Variants in ARHGAP29 observed in about 807,000 individuals in gnomAD.
The protein encoded by ARHGAP29 is Rho GTPase activating protein 29, also known as rho GTPase-activating protein 29.
ARHGAP29 carries 43 observed loss-of-function variants against 122.6 expected under a neutral mutation model. That is an observed-to-expected ratio of 0.35 (90% CI 0.27 to 0.45). The LOEUF is 0.45. Ranked by LOEUF, ARHGAP29 falls within the 20% of genes least tolerant of loss-of-function variation. ARHGAP29 has a pLI of 1.00. For synonymous variants in ARHGAP29, 506 were observed against 497.1 expected (o/e 1.02, Z -0.24); for missense variants, 1,303 against 1,477.2 (o/e 0.88, Z 1.93).
At chr1:94,240,525 T>C (rs548761695), upstream of ARHGAP29, among the ~76,000 whole-genome samples, 1 of 152,354 alleles carries the variant, frequency 6.6e-6, no homozygotes, top group South Asian at 2.1e-4. Context: ...AAATTCTTGG[T>C]CTATAATAAA....
At position 94,184,253 on chromosome 1, in the gene ARHGAP29, A is replaced by G. The variant is rs1649655120; in HGVS notation, c.2145T>C (p.Thr715=). The part of the protein sequence containing the change: ...IYRVCGNKIK[T]EKLCQALENG... ...TTTCCAAAGCTTGACACAATTTTTC[A>G]GTTTTTATTTTGTTTCCACACACAC... is the stretch of plus-strand genomic sequence containing the variant. The change falls in exon 19 of 23, where the codon ACT becomes ACC. Residue 715 remains threonine (T), a synonymous_variant. Coordinates refer to ENST00000260526, the MANE Select transcript of ARHGAP29 (RefSeq NM_004815.4). 1 of 1,611,886 alleles carries G rather than the reference A, an allele frequency of 6.2e-7. No homozygotes were observed.
At chr1:94,198,203 C>T (rs935982823) in intron 12 of ARHGAP29, among the ~76,000 whole-genome samples, 18 of 152,234 alleles carry the variant, frequency 1.2e-4, no homozygotes, top group African/African-American at 3.1e-4. Flanking sequence ...CAGCCAGCCA[C>T]GGTGGCTCAC....
chr1:94,279,242 A>G (rs2100746016), upstream of ARHGAP29, among the ~76,000 whole-genome samples: 1 of 152,326 alleles, frequency 6.6e-6, no homozygotes, highest in South Asian at 2.1e-4. Flanking sequence ...ATTTCTGTGC[A>G]GTTAGTGGAC....
In ARHGAP29 at chr1:94,220,351, G is replaced by C. The variant is rs1652221447; in HGVS notation, c.247C>G (p.Leu83Val). Residue 83 changes from leucine to valine, a missense_variant, in exon 3 of 23, where the codon CTC becomes GTC. Physicochemically the swap from Leu to Val is conservative, Grantham distance 32 (BLOSUM62 1). Transcript: ENST00000260526. The part of the protein sequence containing the change: ...EVIHIRLEEL[L>V]RVLKSIMNKH... ...TTCATTATAGACTTTAAAACACGGA[G>C]CAGTTCCTCTAGACGTATATGAATA... 6.2e-7 allele frequency: 1 copy of C among 1,610,680 alleles called. No individual in the cohort carries two copies. Among genetic ancestry groups the C allele is most frequent in the South Asian group, 1.1e-5 (1 of 90,998 alleles).
At chr1:94,290,040 T>C in the ARHGAP29 span, among the ~76,000 whole-genome samples, 1 of 152,210 alleles carries the variant, frequency 6.6e-6, no homozygotes, top group East Asian at 1.9e-4. Context: ...CTTTTTCTAT[T>C]GATTGGAATA....
chr1:94,313,329 GA>G, the ARHGAP29 span, among the ~76,000 whole-genome samples: 1 of 152,120 alleles, frequency 6.6e-6, no homozygotes. Context: ...CCCTGACTAA[GA>G]AACAAGACCC....
At chr1:94,252,140 T>C (rs1041298547) in intron 1 of ARHGAP29, among the ~76,000 whole-genome samples, 9 of 152,354 alleles carry the variant, frequency 5.9e-5, no homozygotes, top group Admixed American at 2.0e-4. Flanking sequence ...CTATATTACA[T>C]TGTTTGAGAA....
At chr1:94,219,246 A>AAACCC in intron 3 of ARHGAP29, among the ~76,000 whole-genome samples, 1 of 27,236 alleles carries the variant, frequency 3.7e-5, no homozygotes, top group East Asian at 1.6e-3. Flanking sequence ...AACACTGATA[A>AAACCC]TCACTTCTTA....
chr1:94,240,279 C>G (rs1653528499), upstream of ARHGAP29, among the ~76,000 whole-genome samples: 1 of 152,156 alleles, frequency 6.6e-6, no homozygotes, highest in African/African-American at 2.4e-5. Flanking sequence ...TTTGAGAAGT[C>G]TCTCAATCTC....
chr1:94,301,237 A>G, the ARHGAP29 span, among the ~76,000 whole-genome samples: 1 of 152,184 alleles, frequency 6.6e-6, no homozygotes, highest in Admixed American at 6.5e-5. Context: ...CATTCCCATG[A>G]GGGCCTTTTG....
rs1648583553 is a variant in ARHGAP29 at position 94,169,466 on chromosome 1, T to C, written c.*4403A>G. On this transcript the variant is annotated 3_prime_UTR_variant, in exon 23 of 23. Transcript: ENST00000260526. Reference sequence around the variant, plus strand: ...GGAAGAATGAACAAATTATTTAGGATTATGGGAGTCAGGTTTCTATGAGAG... The same window carrying C: ...GGAAGAATGAACAAATTATTTAGGACTATGGGAGTCAGGTTTCTATGAGAG... Among the ~76,000 whole-genome samples, 1 of 152,050 alleles carries C rather than the reference T, an allele frequency of 6.6e-6. No individual in the cohort carries two copies. Among genetic ancestry groups the C allele is most frequent in the African/African-American group, 2.4e-5 (1 of 41,384 alleles).
At chr1:94,290,644 A>G in the ARHGAP29 span, among the ~76,000 whole-genome samples, 1 of 152,192 alleles carries the variant, frequency 6.6e-6, no homozygotes, top group African/African-American at 2.4e-5. Flanking sequence ...ATTGGTTTCA[A>G]AGAACAACTT....
At chr1:94,279,482 A>C (rs925106687), upstream of ARHGAP29, among the ~76,000 whole-genome samples, 4 of 152,144 alleles carry the variant, frequency 2.6e-5, no homozygotes, top group African/African-American at 9.7e-5. Flanking sequence ...TTAACACACA[A>C]TTTCTGTTAC....
chr1:94,188,764 G>A, intron 15 of ARHGAP29, 73 bp downstream of exon 15: 2 of 1,200,758 alleles, frequency 1.7e-6, no homozygotes, highest in South Asian at 2.7e-5. Context: ...TAAAAACAAG[G>A]TAGTTAAAAA....
the ARHGAP29 span, among the ~76,000 whole-genome samples, chr1:94,293,586 C>T: frequency 6.6e-6 from 1 of 152,152 alleles, no homozygotes; most frequent in African/African-American, 2.4e-5. Context: ...AGCTGTAGAC[C>T]AGAGCTGTTC....
At chr1:94,261,777 A>G (rs1477914001) in intron 1 of ARHGAP29, among the ~76,000 whole-genome samples, 3 of 152,338 alleles carry the variant, frequency 2.0e-5, no homozygotes, top group South Asian at 4.1e-4. Context: ...ATGGAAAAAC[A>G]TCTCATGCTC....
At chr1:94,273,869 T>G (rs1557898524) in intron 1 of ARHGAP29, among the ~76,000 whole-genome samples, 1 of 151,644 alleles carries the variant, frequency 6.6e-6, no homozygotes, top group Non-Finnish European at 1.5e-5. Context: ...TTATTTTGAT[T>G]AAAAATTTAA....
chr1:94,246,084 TTCTACTCAGG>T lies in ARHGAP29; in HGVS notation c.-32-14451_-32-14442del, dbSNP rs1653784292. On this transcript the variant is annotated intron_variant and NMD_transcript_variant, in intron 1 of 25. Coordinates refer to the ARHGAP29 transcript ENST00000552844. ...CTGCCAAATTGGGGACTAAAACATT[TTCTACTCAGG>T]TCTATTCTATTTTCTTCAAGTTCAC... Among the ~76,000 whole-genome samples the T allele has an allele frequency of 2.0e-5, 3 of 152,190 alleles. No individual in the cohort carries two copies. In the East Asian group the frequency reaches 5.8e-4, roughly 29 times the overall value.
At chr1:94,246,510 G>A (rs1246778945) in intron 1 of ARHGAP29, among the ~76,000 whole-genome samples, 2 of 139,986 alleles carry the variant, frequency 1.4e-5, no homozygotes, top group East Asian at 2.1e-4. Flanking sequence ...CCTTCCCCCC[G>A]CCAACCCCTC....
Sources: gnomAD v4.1 joint callset for allele counts (sites outside exome capture counted in the v4.1 genomes callset) on GRCh38, gnomAD v4.1.1 for gene constraint, MANE v1.5 for transcripts, NCBI Gene and HGNC (gene_info 2026-07-23, HGNC 2026-07-21) for gene names.